Variants in SYNPR observed in about 807,000 individuals in gnomAD.
SYNPR encodes the protein synaptoporin.
SYNPR carries 23 observed loss-of-function variants against 32.9 expected under a neutral mutation model. The observed-to-expected ratio is 0.70, with a 90% confidence interval of 0.50 to 0.99. The LOEUF (loss-of-function observed/expected upper bound fraction) is 0.99, where lower values mean the gene tolerates loss of function less well. Ranked by LOEUF, SYNPR falls within the 50% of genes least tolerant of loss-of-function variation. The probability of loss-of-function intolerance (pLI) is 0.00; values close to 1 mark genes in which losing one functional copy is unlikely to be tolerated. For missense variants in SYNPR, 318 were observed against 349.3 expected (o/e 0.91, Z 0.71); for synonymous variants, 146 against 135.9 (o/e 1.07, Z -0.52).
chr3:63,438,239 T>C (rs1575644045), intron 2 of SYNPR, among the ~76,000 whole-genome samples: 2 of 152,192 alleles, frequency 1.3e-5, no homozygotes, highest in East Asian at 3.9e-4. Flanking sequence ...CAAGCATGAC[T>C]ACATTTCCAT....
chr3:63,258,389 A>T (rs994930814), intron 2 of SYNPR, among the ~76,000 whole-genome samples: 3 of 152,254 alleles, frequency 2.0e-5, no homozygotes, highest in African/African-American at 7.2e-5. Flanking sequence ...CCACAGTGCG[A>T]TCAAACTAGA....
chr3:63,382,165 C>T (rs984205580), intron 2 of SYNPR, among the ~76,000 whole-genome samples: 2 of 152,110 alleles, frequency 1.3e-5, no homozygotes, highest in African/African-American at 4.8e-5. Flanking sequence ...ACTAGGTTTC[C>T]ACTGATACAA....
At chr3:63,256,804 G>C (rs1199428689) in intron 2 of SYNPR, among the ~76,000 whole-genome samples, 4 of 152,116 alleles carry the variant, frequency 2.6e-5, no homozygotes, top group Non-Finnish European at 4.4e-5. Context: ...CCATGGCAAA[G>C]AAGTTAAAAA....
chr3:63,364,652 G>C (rs1462683456), intron 2 of SYNPR, among the ~76,000 whole-genome samples: 1 of 152,114 alleles, frequency 6.6e-6, no homozygotes, highest in Non-Finnish European at 1.5e-5. Flanking sequence ...GAGTGTTGAT[G>C]GTCTCTGTCC....
At chr3:63,286,383 C>T (rs893353242) in intron 2 of SYNPR, among the ~76,000 whole-genome samples, 1 of 152,210 alleles carries the variant, frequency 6.6e-6, no homozygotes, top group Non-Finnish European at 1.5e-5. Flanking sequence ...GTGGCCCCAA[C>T]TGAATTCTCC....
intron 2 of SYNPR, among the ~76,000 whole-genome samples, chr3:63,299,415 T>C (rs2086821273): frequency 6.6e-6 from 1 of 152,172 alleles, no homozygotes; most frequent in Non-Finnish European, 1.5e-5. Flanking sequence ...TTTTTTGTTT[T>C]CTGTTTTTGT....
chr3:63,337,232 C>CAAAAAAA (rs67376099), intron 2 of SYNPR, among the ~76,000 whole-genome samples: 1 of 55,470 alleles, frequency 1.8e-5, no homozygotes, highest in Non-Finnish European at 3.1e-5. Flanking sequence ...ACTCTGTCTC[C>CAAAAAAA]AAAAAAAAAA....
intron 2 of SYNPR, among the ~76,000 whole-genome samples, chr3:63,360,074 G>GC (rs2087636305): frequency 6.6e-6 from 1 of 152,076 alleles, no homozygotes; most frequent in Non-Finnish European, 1.5e-5. Flanking sequence ...ACTTCTGTGT[G>GC]ACATCTCCAC....
intron 3 of SYNPR, among the ~76,000 whole-genome samples, chr3:63,526,330 C>G (rs1420387939): frequency 2.0e-5 from 3 of 152,188 alleles, no homozygotes; most frequent in East Asian, 1.9e-4. Context: ...TTGCTCTGCA[C>G]CTCTGTGCAT....
At chr3:63,328,444 T>A (rs1311476862) in intron 2 of SYNPR, among the ~76,000 whole-genome samples, 1 of 152,184 alleles carries the variant, frequency 6.6e-6, no homozygotes, top group African/African-American at 2.4e-5. Flanking sequence ...ACCAGTGTGA[T>A]CTAGGAGTTT....
At position 63,278,702 on chromosome 3, in the gene SYNPR, T is replaced by A. The variant is rs2086600201; in HGVS notation, c.44T>A (p.Val15Glu). The change falls in exon 2 of 6, where the codon GTG (valine) becomes GAG (glutamate). Residue 15 changes from valine (V) to glutamate (E), a missense_variant. Transcript: ENST00000478300. ...CTGGCCTCTGCGGGCACCTTCCGGG[T>A]GCTGAAGGAGCCCCTTGCCTTCCTG... Reference protein sequence around the residue: ...SQLASAGTFRVLKEPLAFLRA... With the variant: ...SQLASAGTFRELKEPLAFLRA... 1.3e-6 allele frequency: 2 copies of A among 1,551,612 alleles called. No homozygotes were observed. Among genetic ancestry groups the A allele is most frequent in the Non-Finnish European group, 1.7e-6 (2 of 1,146,976 alleles).
At chr3:63,323,683 T>C (rs949375573) in intron 2 of SYNPR, among the ~76,000 whole-genome samples, 1 of 152,072 alleles carries the variant, frequency 6.6e-6, no homozygotes, top group Admixed American at 6.6e-5. Flanking sequence ...TATAGGGTGG[T>C]TCTAGAATAG....
intron 2 of SYNPR, among the ~76,000 whole-genome samples, chr3:63,474,877 G>T (rs780684301): frequency 2.6e-5 from 4 of 152,100 alleles, no homozygotes; most frequent in Admixed American, 6.6e-5. Flanking sequence ...CTTCACTGCA[G>T]ACCAAGCATC....
intron 2 of SYNPR, among the ~76,000 whole-genome samples, chr3:63,430,377 C>G (rs539986124): frequency 0.012 from 1,844 of 150,932 alleles, 34 homozygotes; most frequent in African/African-American, 0.042. Context: ...CACACACACA[C>G]ACACACACAC....
intron 2 of SYNPR, among the ~76,000 whole-genome samples, chr3:63,366,056 T>G (rs908315289): frequency 6.6e-6 from 1 of 152,228 alleles, no homozygotes; most frequent in African/African-American, 2.4e-5. Context: ...TATTTGCATT[T>G]AGTAATTATA....
chr3:63,395,486 A>G (rs2088199484), intron 2 of SYNPR, among the ~76,000 whole-genome samples: 2 of 152,198 alleles, frequency 1.3e-5, no homozygotes, highest in African/African-American at 4.8e-5. Context: ...CACTTTATAC[A>G]CAGTATCCTA....
chr3:63,210,324 C>G, the SYNPR span, among the ~76,000 whole-genome samples: 1 of 152,192 alleles, frequency 6.6e-6, no homozygotes. Flanking sequence ...GTAGGTAACA[C>G]AGCAGAAAGC....
intron 4 of SYNPR, among the ~76,000 whole-genome samples, chr3:63,575,677 A>G (rs1383762055): frequency 6.6e-6 from 1 of 152,198 alleles, no homozygotes; most frequent in Admixed American, 6.5e-5. Flanking sequence ...ATGGAAAATC[A>G]CAAAAGGTCT....
At chr3:63,221,482 G>T in the SYNPR span, among the ~76,000 whole-genome samples, 1 of 152,138 alleles carries the variant, frequency 6.6e-6, no homozygotes, top group Non-Finnish European at 1.5e-5. Context: ...GTGCACCTCA[G>T]CTCACTCGCA....
Sources: gnomAD v4.1 joint callset for allele counts (sites outside exome capture counted in the v4.1 genomes callset) on GRCh38, gnomAD v4.1.1 for gene constraint, MANE v1.5 for transcripts, NCBI Gene and HGNC (gene_info 2026-07-23, HGNC 2026-07-21) for gene names.